Variants in OR7C1 observed in about 807,000 individuals in gnomAD.
The protein encoded by OR7C1 is olfactory receptor 7C1.
For synonymous variants in OR7C1, 152 were observed against 160.7 expected, an observed-to-expected ratio of 0.95 and a Z score of 0.41; for missense variants, 324 against 383.3, an observed-to-expected ratio of 0.85 and a Z score of 1.29.
chr19:14,820,719 A>G (rs1267262069), intron 1 of OR7C1, among the ~76,000 whole-genome samples: 1 of 152,220 alleles, frequency 6.6e-6, no homozygotes, highest in African/African-American at 2.4e-5. Flanking sequence ...TGTCTGACAT[A>G]AAGTCCCCAG....
exon 5 of OR7C1, chr19:14,799,628 G>A (rs62122646): frequency 0.044 from 71,683 of 1,613,668 alleles, 1,983 homozygotes; most frequent in Non-Finnish European, 0.056. Flanking sequence ...TTCCATTTCG[G>A]TGCAGAAGGA....
At chr19:14,802,527 ATAAT>A (rs1274644156) in intron 2 of OR7C1, among the ~76,000 whole-genome samples, 1 of 152,234 alleles carries the variant, frequency 6.6e-6, no homozygotes, top group African/African-American at 2.4e-5. Flanking sequence ...TCTCCAAATA[ATAAT>A]TAAAGAAAGA....
intron 1 of OR7C1, chr19:14,828,119 C>T: frequency 6.2e-7 from 1 of 1,613,954 alleles, no homozygotes; most frequent in Non-Finnish European, 8.5e-7. Flanking sequence ...TGAGCAGGTT[C>T]CCGAGCACAG....
intron 1 of OR7C1, among the ~76,000 whole-genome samples, chr19:14,820,818 A>G (rs1369364700): frequency 1.3e-5 from 2 of 152,206 alleles, no homozygotes; most frequent in Non-Finnish European, 2.9e-5. Context: ...TGCATCTTGC[A>G]CGAGGAACGG....
In OR7C1 at chr19:14,800,515, TAAG is replaced by T. The variant is rs1394677027; in HGVS notation, c.-203+15_-203+17del. 1 of 172,554 alleles carries T rather than the reference TAAG, an allele frequency of 5.8e-6. No homozygotes were observed. Among genetic ancestry groups the T allele is most frequent in the African/African-American group, 2.4e-5 (1 of 41,968 alleles). The allele number at this position is 172,554 out of a possible 1,614,324, so 10.7% of individuals were successfully genotyped here. On this transcript the variant is annotated intron_variant, in intron 3 of 4. Coordinates refer to ENST00000641666, the Ensembl canonical transcript of OR7C1. Reference sequence around the variant, plus strand: ...ACATGCATATTAGTGATATAGGAGTTAAGAAAAAATCACTTACGCAGATAGTAA... The same window carrying T: ...ACATGCATATTAGTGATATAGGAGTTAAAAAATCACTTACGCAGATAGTAA...
chr19:14,799,554 TA>T lies in OR7C1; in HGVS notation c.582del (p.Asn195IlefsTer4), dbSNP rs777458993. On this transcript the variant is annotated frameshift_variant, in exon 5 of 5. Transcript: ENST00000641666. LOFTEE classifies it low-confidence loss of function (END_TRUNC). ...GTTGCAAAGTATATCACCACGTTAT[TA>T]ATGAAGGTGTCAGAACAGGCGAGCT... 1.2e-6 allele frequency: 2 copies of T among 1,614,178 alleles called. No homozygotes were observed.
chr19:14,805,406 ATTT>A (rs33957500), intron 2 of OR7C1, among the ~76,000 whole-genome samples: 14,475 of 97,540 alleles, frequency 0.15, 966 homozygotes, highest in Non-Finnish European at 0.17. Flanking sequence ...CAGGAAAATA[ATTT>A]TTTTTTTTTT....
At chr19:14,819,890 T>G (rs1321536459) in intron 1 of OR7C1, among the ~76,000 whole-genome samples, 1 of 152,176 alleles carries the variant, frequency 6.6e-6, no homozygotes, top group Non-Finnish European at 1.5e-5. Flanking sequence ...TCTTTGATCA[T>G]TTATTTTATT....
chr19:14,800,809 C>T (rs1297689606), intron 2 of OR7C1, 45 bp from the exon 3 acceptor site: 1 of 152,228 alleles, frequency 6.6e-6, no homozygotes, highest in Non-Finnish European at 1.5e-5. Context: ...GGGCCACCAG[C>T]CTTCCCTGAG....
At chr19:14,831,973 A>G (rs759771000) in intron 1 of OR7C1, among the ~76,000 whole-genome samples, 4 of 152,116 alleles carry the variant, frequency 2.6e-5, no homozygotes, top group African/African-American at 4.8e-5. Context: ...CAGTGGTGCA[A>G]TCATAGCTCA....
In OR7C1 at chr19:14,800,160, A is replaced by G. The variant is rs1419302721; in HGVS notation, c.-13-11T>C. On this transcript the variant is annotated splice_polypyrimidine_tract_variant and intron_variant, in intron 4 of 4. Transcript: ENST00000641666. ...ATGGGGATAAAATAACTGCCACAAG[A>G]GAGAAAAAAGCAACAGTCAATTATC... 1 of 1,519,218 alleles carries G rather than the reference A, an allele frequency of 6.6e-7. No individual in the cohort carries two copies. The highest frequency in any genetic ancestry group is 1.3e-5 in the South Asian group (1 of 75,008). The allele number at this position is 1,519,218 out of a possible 1,614,324, so 94.1% of individuals were successfully genotyped here.
intron 1 of OR7C1, among the ~76,000 whole-genome samples, chr19:14,813,389 A>G (rs2044700561): frequency 6.6e-6 from 1 of 151,718 alleles, no homozygotes; most frequent in African/African-American, 2.4e-5. Flanking sequence ...CCCTGTCTCT[A>G]CTAAAAATAC....
At chr19:14,827,989 T>C (rs774301778) in intron 1 of OR7C1, 2 of 1,614,222 alleles carry the variant, frequency 1.2e-6, no homozygotes, top group African/African-American at 1.3e-5. Context: ...TGTGTCTGGA[T>C]GTTCATCAGC....
Position 14,803,421 on chromosome 19 carries a change from G to A in OR7C1, c.-434-2657C>T, listed in dbSNP as rs577256106. Among the ~76,000 whole-genome samples, 33 of 151,864 alleles carry A rather than the reference G, an allele frequency of 2.2e-4. No homozygotes were observed. In the South Asian group the frequency reaches 2.3e-3, roughly 11 times the overall value. ...TCTATTATGCAGATGGGGTCTTTGC[G>A]GGTCGCTGCCATGTTGTCTTCTCCT... On this transcript the variant is annotated intron_variant, in intron 2 of 4. Coordinates refer to ENST00000641666, the Ensembl canonical transcript of OR7C1.
chr19:14,833,725 A>G (rs2044856704), intron 1 of OR7C1, among the ~76,000 whole-genome samples: 1 of 152,240 alleles, frequency 6.6e-6, no homozygotes, highest in Non-Finnish European at 1.5e-5. Context: ...TAGTAAACAT[A>G]AGGCAATCAA....
At chr19:14,834,058 G>A (rs758280961) in intron 1 of OR7C1, among the ~76,000 whole-genome samples, 1 of 128,586 alleles carries the variant, frequency 7.8e-6, no homozygotes, top group Non-Finnish European at 1.7e-5. Context: ...CCAGGAGTTC[G>A]AGACCAGCCT....
At chr19:14,810,632 G>C (rs903328518) in intron 1 of OR7C1, among the ~76,000 whole-genome samples, 1 of 149,748 alleles carries the variant, frequency 6.7e-6, no homozygotes, top group South Asian at 2.1e-4. Context: ...TGATCCGCCC[G>C]CCTCAGCCTC....
At chr19:14,827,944 G>C (rs1212366472) in intron 1 of OR7C1, 11 of 1,614,082 alleles carry the variant, frequency 6.8e-6, no homozygotes, top group Non-Finnish European at 9.3e-6. Context: ...AAATACATCT[G>C]CATGAGGCAG....
At chr19:14,813,615 C>T (rs189412336) in intron 1 of OR7C1, among the ~76,000 whole-genome samples, 4 of 152,216 alleles carry the variant, frequency 2.6e-5, no homozygotes, top group Non-Finnish European at 5.9e-5. Context: ...AATTGCCTCA[C>T]AGGTCCTTAT....
Sources: gnomAD v4.1 joint callset for allele counts (sites outside exome capture counted in the v4.1 genomes callset) on GRCh38, gnomAD v4.1.1 for gene constraint, MANE v1.5 for transcripts, NCBI Gene and HGNC (gene_info 2026-07-23, HGNC 2026-07-21) for gene names.